IL1RAPL1: variants seen among roughly 807,000 people sequenced by gnomAD.
IL1RAPL1 encodes interleukin 1 receptor accessory protein like 1.
Under a neutral mutation model 48.4 loss-of-function variants are expected in IL1RAPL1, and 3 were observed. The observed-to-expected ratio is 0.06, with a 90% CI of 0.03 to 0.16. The LOEUF (loss-of-function observed/expected upper bound fraction) is 0.16, where lower values mean the gene tolerates loss of function less well. Among genes scored for constraint, IL1RAPL1 ranks in the 10% least tolerant of loss-of-function variants. IL1RAPL1 has a pLI of 1.00. For synonymous variants in IL1RAPL1, 185 were observed against 187.7 expected (o/e 0.99, Z 0.12); for missense variants, 349 against 530.6 (o/e 0.66, Z 3.36).
intron 1 of IL1RAPL1, among the ~76,000 whole-genome samples, chrX:28,606,336 C>G (rs910367847): frequency 1.8e-5 from 2 of 111,966 alleles, no homozygotes; most frequent in Non-Finnish European, 3.8e-5. Flanking sequence ...AATAAATGGT[C>G]GCCATTATGA....
chrX:29,337,889 G>T (rs1349967709), intron 3 of IL1RAPL1, among the ~76,000 whole-genome samples: 1 of 110,943 alleles, frequency 9.0e-6, no homozygotes, highest in Non-Finnish European at 1.9e-5. Flanking sequence ...TGGCCAGGCT[G>T]GTCTCGAACT....
chrX:28,828,359 A>G (rs889706866), intron 2 of IL1RAPL1, among the ~76,000 whole-genome samples: 4 of 112,103 alleles, frequency 3.6e-5, no homozygotes, highest in African/African-American at 1.3e-4. Context: ...TTAGAATATA[A>G]AAGGCTCCTT....
At chrX:29,063,415 C>T (rs1229601201) in intron 2 of IL1RAPL1, among the ~76,000 whole-genome samples, 3 of 111,548 alleles carry the variant, frequency 2.7e-5, no homozygotes, top group East Asian at 5.6e-4. Context: ...TCTCTCAACA[C>T]TTCTGCTTTT....
rs1284968430 is a variant in IL1RAPL1 at position 29,323,738 on chromosome X, T to TATATATAAA, written c.362+40528_362+40529insAAATATATA. 3.8e-4 allele frequency among the ~76,000 whole-genome samples: 6 copies of TATATATAAA among 15,903 alleles called. 1 individual carries two copies. Among genetic ancestry groups the TATATATAAA allele is most frequent in the African/African-American group, 2.5e-3 (6 of 2,405 alleles). The allele number at this position is 15,903 out of a possible 115,157, so 13.8% of individuals were successfully genotyped here. On this transcript the variant is annotated intron_variant, in intron 3 of 10. Coordinates refer to ENST00000378993, the MANE Select transcript of IL1RAPL1 (RefSeq NM_014271.4). ...TTATATATATATATATATATATATATATATATATATATATATATATATATA... is the reference window on the plus strand; with the variant it reads ...TTATATATATATATATATATATATATATATATAAAATATATATATATATATATATATATA...
intron 5 of IL1RAPL1, among the ~76,000 whole-genome samples, chrX:29,476,273 G>T (rs1934972501): frequency 8.9e-6 from 1 of 111,763 alleles, no homozygotes; most frequent in Non-Finnish European, 1.9e-5. Context: ...TAGAATTACA[G>T]GTTAGCTCAT....
At chrX:29,627,581 A>G (rs1924651836) in intron 5 of IL1RAPL1, among the ~76,000 whole-genome samples, 1 of 111,750 alleles carries the variant, frequency 8.9e-6, no homozygotes, top group South Asian at 3.7e-4. Flanking sequence ...CGTCTCACGT[A>G]TATTCATGGT....
chrX:29,108,444 C>T (rs767308357), intron 2 of IL1RAPL1, among the ~76,000 whole-genome samples: 2 of 110,897 alleles, frequency 1.8e-5, no homozygotes, highest in African/African-American at 3.3e-5. Context: ...TCTTCTTGCC[C>T]GGGCTGGAAT....
chrX:28,709,741 C>T (rs1306611428), intron 1 of IL1RAPL1, among the ~76,000 whole-genome samples: 2 of 110,555 alleles, frequency 1.8e-5, no homozygotes, highest in Admixed American at 9.7e-5. Context: ...CAAACCTAGG[C>T]GATTTTATGT....
chrX:28,905,647 A>G (rs1046780152), intron 2 of IL1RAPL1, among the ~76,000 whole-genome samples: 4 of 112,223 alleles, frequency 3.6e-5, no homozygotes, highest in Non-Finnish European at 5.6e-5. Context: ...TTATATTAAG[A>G]TAGTCATATT....
At chrX:29,676,295 G>C (rs963995570) in intron 6 of IL1RAPL1, among the ~76,000 whole-genome samples, 1 of 112,222 alleles carries the variant, frequency 8.9e-6, no homozygotes, top group African/African-American at 3.2e-5. Flanking sequence ...TGAGACATTT[G>C]AATGCTGTAA....
intron 5 of IL1RAPL1, chrX:29,574,473 T>C (rs1408829167): frequency 3.6e-5 from 4 of 110,506 alleles, no homozygotes; most frequent in Non-Finnish European, 7.6e-5. Context: ...TCTTAACTTA[T>C]TCCAGCATTA....
intron 5 of IL1RAPL1, among the ~76,000 whole-genome samples, chrX:29,560,877 A>G (rs1475681604): frequency 1.8e-5 from 2 of 112,107 alleles, no homozygotes; most frequent in African/African-American, 6.5e-5. Context: ...GGTGTCAGTT[A>G]CTACCAAAAT....
chrX:28,953,714 A>G, intron 2 of IL1RAPL1, among the ~76,000 whole-genome samples: 1 of 110,994 alleles, frequency 9.0e-6, no homozygotes, highest in Non-Finnish European at 1.9e-5. Flanking sequence ...TTCCACCTTT[A>G]TGAATTGTAA....
At chrX:29,487,428 A>G (rs1006543089) in intron 5 of IL1RAPL1, among the ~76,000 whole-genome samples, 12 of 111,714 alleles carry the variant, frequency 1.1e-4, no homozygotes, top group African/African-American at 3.9e-4. Flanking sequence ...TGAATCAGTC[A>G]ATGGGAATCT....
chrX:29,824,984 A>T (rs1366418357), intron 6 of IL1RAPL1, among the ~76,000 whole-genome samples: 1 of 110,678 alleles, frequency 9.0e-6, no homozygotes, highest in Non-Finnish European at 1.9e-5. Context: ...TGTAGGGGAA[A>T]AAAAATAATG....
chrX:28,898,490 C>CT (rs1230133313), intron 2 of IL1RAPL1, among the ~76,000 whole-genome samples: 1 of 110,291 alleles, frequency 9.1e-6, no homozygotes, highest in Non-Finnish European at 1.9e-5. Context: ...TTTTTTCCCC[C>CT]TTTTTTTTAG....
intron 3 of IL1RAPL1, among the ~76,000 whole-genome samples, chrX:29,301,134 A>G (rs1160752056): frequency 9.0e-6 from 1 of 111,729 alleles, no homozygotes; most frequent in Non-Finnish European, 1.9e-5. Context: ...CTCATCAGCA[A>G]GAGTTGTTTG....
chrX:28,736,527 T>A (rs1935828184), intron 1 of IL1RAPL1, among the ~76,000 whole-genome samples: 2 of 111,674 alleles, frequency 1.8e-5, no homozygotes, highest in Admixed American at 9.5e-5. Context: ...ATGTATACAG[T>A]TAATTTTCTA....
chrX:29,804,054 A>G (rs1251742239), intron 6 of IL1RAPL1, among the ~76,000 whole-genome samples: 3 of 111,784 alleles, frequency 2.7e-5, no homozygotes, highest in Non-Finnish European at 5.6e-5. Context: ...TCATTTTACA[A>G]TGTGTGAGAA....
Sources: allele counts gnomAD v4.1 joint callset (sites outside exome capture counted in the v4.1 genomes callset), GRCh38; gene constraint gnomAD v4.1.1; transcripts MANE v1.5; gene names NCBI Gene and HGNC (gene_info 2026-07-23, HGNC 2026-07-21).